The following COL16A1 variants were observed in gnomAD, a reference collection of about 807,000 sequenced individuals.
COL16A1 encodes the protein collagen alpha-1(XVI) chain.
In COL16A1, 189 loss-of-function variants were observed where a neutral mutation model predicts 266.3. The ratio of observed to expected loss-of-function variants is 0.71; its 90% CI spans 0.63 to 0.80. The LOEUF is 0.80. Ranked by LOEUF, COL16A1 falls within the 30% of genes least tolerant of loss-of-function variation. The pLI is 0.00. For synonymous variants in COL16A1, 740 were observed against 782.3 expected (o/e 0.95, Z 0.90); for missense variants, 1,928 against 2,122.4 (o/e 0.91, Z 1.80).
intron 26 of COL16A1, 43 bp from the exon 27 acceptor site, chr1:31,686,322 T>G: frequency 6.2e-7 from 1 of 1,613,662 alleles, no homozygotes; most frequent in South Asian, 1.1e-5. Flanking sequence ...GGGGATGGAG[T>G]CTGGGTGCTA....
chr1:31,676,324 CAAAAA>C (rs11449957), intron 42 of COL16A1, among the ~76,000 whole-genome samples: 1 of 100,324 alleles, frequency 1.0e-5, no homozygotes, highest in Admixed American at 9.5e-5. Context: ...GACTCCGTCT[CAAAAA>C]AAAAAAAAAA....
intron 27 of COL16A1, 44 bp downstream of exon 27, chr1:31,686,200 C>G: frequency 6.2e-7 from 1 of 1,614,202 alleles, no homozygotes. Flanking sequence ...CAGCCCCTCC[C>G]ACCTTGTCCT....
intron 10 of COL16A1, 69 bp downstream of exon 10, chr1:31,695,692 G>A (rs377028858): frequency 1.5e-4 from 216 of 1,487,594 alleles, no homozygotes; most frequent in African/African-American, 7.9e-4. Context: ...CTGAGGATCC[G>A]TGCCCAAAGC....
chr1:31,690,998 G>T (rs184444206), intron 20 of COL16A1, among the ~76,000 whole-genome samples, 190 bp downstream of exon 20: 1 of 152,320 alleles, frequency 6.6e-6, no homozygotes, highest in Non-Finnish European at 1.5e-5. Context: ...GAGCAGCTCA[G>T]TGAGCACTGG....
In COL16A1 at chr1:31,699,894, G is replaced by T. The variant is rs2228552; in HGVS notation, c.185C>A (p.Thr62Lys). The change falls in exon 4 of 71, where the codon ACG (threonine) becomes AAG (lysine). Residue 62 changes from threonine to lysine, a missense_variant. Transcript: ENST00000373672. ...NLIHRLSLMK[T>K]SAIKKIRNPK... Reference sequence around the variant, plus strand: ...GTTGCGGATCTTCTTGATGGCAGACGTCTTCATGAGGCTGAGTCGGTGGAT... The same window carrying T: ...GTTGCGGATCTTCTTGATGGCAGACTTCTTCATGAGGCTGAGTCGGTGGAT... 0.6 allele frequency: 972,616 copies of T among 1,612,244 alleles called. 301,540 individuals are homozygous for T. Among genetic ancestry groups the T allele is most frequent in the Non-Finnish European group, 0.64 (757,610 of 1,178,440 alleles).
chr1:31,665,271 G>A (rs1204368055), intron 55 of COL16A1, 37 bp from the exon 56 acceptor site: 1 of 1,578,532 alleles, frequency 6.3e-7, no homozygotes, highest in Non-Finnish European at 8.5e-7. Flanking sequence ...ATGAAAGTGG[G>A]GCTGGAGGGG....
intron 1 of COL16A1, 75 bp from the exon 2 acceptor site, chr1:31,702,302 A>G (rs1204192206): frequency 2.0e-6 from 3 of 1,502,714 alleles, no homozygotes; most frequent in Non-Finnish European, 2.7e-6. Flanking sequence ...CAAGTCGTGG[A>G]CAGCCTGTGG....
intron 43 of COL16A1, 23 bp from the exon 44 acceptor site, chr1:31,675,062 C>T: frequency 6.2e-7 from 1 of 1,613,028 alleles, no homozygotes; most frequent in Non-Finnish European, 8.5e-7. Flanking sequence ...GATGTGTGGG[C>T]TCAAGCAGGT....
rs769308888 is a variant in COL16A1 at position 31,670,657 on chromosome 1, A to G, written c.3151-11T>C. On this transcript the variant is annotated splice_polypyrimidine_tract_variant and intron_variant, in intron 48 of 70. Transcript: ENST00000373672. The surrounding 1 kb of genome is among the most constrained non-coding windows in gnomAD (Gnocchi z 4.5). Reference sequence around the variant, plus strand: ...AAAACCTGGGGGGCCCTGGTGGGAGAAACAGGCAGGTCACATCTCACAGGC... The same window carrying G: ...AAAACCTGGGGGGCCCTGGTGGGAGGAACAGGCAGGTCACATCTCACAGGC... 7.0e-7 allele frequency: 1 copy of G among 1,435,524 alleles called. No individual in the cohort carries two copies. Among genetic ancestry groups the G allele is most frequent in the South Asian group, 1.5e-5 (1 of 64,824 alleles). 88.9% of individuals were successfully genotyped at this position (1,435,524 alleles called of 1,614,324 possible). A position where few individuals can be genotyped will look rare whatever the true frequency, so the allele number is the denominator to read the frequency against.
At chr1:31,686,575 C>T (rs1643989747) in intron 26 of COL16A1, among the ~76,000 whole-genome samples, 1 of 152,234 alleles carries the variant, frequency 6.6e-6, no homozygotes, top group Non-Finnish European at 1.5e-5. Context: ...GACACCTTTA[C>T]AGGCGGAGCA....
rs1197657277 is a variant in COL16A1, at chr1:31,662,677, C to G, written c.3556-19G>C. On this transcript the variant is annotated intron_variant, in intron 56 of 70. Coordinates refer to ENST00000373672, the MANE Select transcript of COL16A1 (RefSeq NM_001856.4). ...CGCTGCCCTGGAAACCAGCGCCGCC[C>G]CCCCCCCCCGCCCCACAATAAAGTC... 1.7e-5 allele frequency: 19 copies of G among 1,120,992 alleles called. No homozygotes were observed. The highest frequency in any genetic ancestry group is 4.3e-5 in the South Asian group (3 of 69,400). 69.4% of individuals were successfully genotyped at this position (1,120,992 alleles called of 1,614,324 possible).
rs1046413071 is a variant in COL16A1, at chr1:31,685,419, AT to A, written c.2016+219del. ...GAACCCAGGTCTCTCTGCTCCTAGG[AT>A]GGCGTGCTTTCTGCCCACTCTGCCA... On this transcript the variant is annotated intron_variant, in intron 29 of 70. Transcript: ENST00000373672. This position sits in a 1 kb window ranked among gnomAD's most constrained non-coding sequence, Gnocchi z 4.0. Among the ~76,000 whole-genome samples the A allele has an allele frequency of 5.3e-5, 8 of 152,134 alleles. No individual in the cohort carries two copies. Among genetic ancestry groups the A allele is most frequent in the African/African-American group, 1.9e-4 (8 of 41,408 alleles).
chr1:31,692,756 C>T lies in COL16A1; in HGVS notation c.1113+11G>A. The T allele has an allele frequency of 1.9e-6, 3 of 1,613,680 alleles. No individual in the cohort carries two copies. Among genetic ancestry groups the T allele is most frequent in the Non-Finnish European group, 2.5e-6 (3 of 1,179,588 alleles). On this transcript the variant is annotated intron_variant, in intron 14 of 70. Transcript: ENST00000373672. ...ATTGGCCCTGAAGCAGGCATCACCT[C>T]CAAGTCTTACCTGAAGTGGGGCATC...
rs1192478645 is a variant in COL16A1 at position 31,692,028 on chromosome 1, C to T, written c.1234G>A (p.Val412Met). The part of the protein sequence containing the change: ...GEKGDGGIKG[V>M]PGKPGRDGRP... Reference sequence around the variant, plus strand: ...ACGTCCCGGCCTGGCTTTCCCGGCACGCCCTTGATGCCTCCGTCGCCCTTC... The same window carrying T: ...ACGTCCCGGCCTGGCTTTCCCGGCATGCCCTTGATGCCTCCGTCGCCCTTC... Residue 412 changes from valine (V) to methionine (M), a missense_variant, in exon 17 of 71, where the codon GTG becomes ATG. By Grantham distance (21) the Val-to-Met change is conservative. This residue lies in a region of COL16A1 where 1,552 missense variants were observed against 1,637.2 expected (regional missense o/e 0.95). Coordinates refer to ENST00000373672, the MANE Select transcript of COL16A1 (RefSeq NM_001856.4). 13 of 1,613,790 alleles carry T rather than the reference C, an allele frequency of 8.1e-6. No individual in the cohort carries two copies. Among genetic ancestry groups the T allele is most frequent in the Admixed American group, 3.3e-5 (2 of 60,010 alleles).
intron 59 of COL16A1, 59 bp from the exon 60 acceptor site, chr1:31,661,517 C>T (rs753407743): frequency 1.5e-4 from 239 of 1,613,578 alleles, no homozygotes; most frequent in Non-Finnish European, 1.9e-4. Flanking sequence ...CCTCTTCCCA[C>T]TCCTCCTTCC....
Position 31,692,019 on chromosome 1 carries a change from T to C in COL16A1, c.1243A>G (p.Lys415Glu). 2.5e-6 allele frequency: 4 copies of C among 1,613,932 alleles called. No homozygotes were observed. The highest frequency in any genetic ancestry group is 3.4e-6 in the Non-Finnish European group (4 of 1,179,996). ...CAGGCACCTACGTCCCGGCCTGGCTTTCCCGGCACGCCCTTGATGCCTCCG... is the reference window on the plus strand; with the variant it reads ...CAGGCACCTACGTCCCGGCCTGGCTCTCCCGGCACGCCCTTGATGCCTCCG... ...GDGGIKGVPG[K>E]PGRDGRPGEI... The change falls in exon 17 of 71, where the codon AAG (lysine) becomes GAG (glutamate). Residue 415 changes from lysine (K) to glutamate (E), a missense_variant. Lys to Glu is a moderately conservative substitution (Grantham distance 56). Coordinates refer to ENST00000373672, the MANE Select transcript of COL16A1 (RefSeq NM_001856.4).
At position 31,682,980 on chromosome 1, in the gene COL16A1, G is replaced by A. The variant is rs2148764650; in HGVS notation, c.2492C>T (p.Ala831Val). The change falls in exon 37 of 71, where the codon GCC (alanine) becomes GTC (valine). Residue 831 changes from alanine (A) to valine (V), a missense_variant. Physicochemically the swap from Ala to Val is moderately conservative, Grantham distance 64 (BLOSUM62 0). Around this residue, in one of 2 missense-constraint regions of COL16A1, gnomAD observed 1,552 missense variants for 1,637.2 expected, o/e 0.95. Coordinates refer to ENST00000373672, the MANE Select transcript of COL16A1 (RefSeq NM_001856.4). ...CCCAGGAGGTCCCACAGGTCCGGTGGCTCCTTTCACCCCTGGAGATCCCTG... is the reference window on the plus strand; with the variant it reads ...CCCAGGAGGTCCCACAGGTCCGGTGACTCCTTTCACCCCTGGAGATCCCTG... ...GAQGSPGVKG[A>V]TGPVGPPGAS... 6.2e-7 allele frequency: 1 copy of A among 1,614,020 alleles called. No homozygotes were observed. The highest frequency in any genetic ancestry group is 2.2e-5 in the East Asian group (1 of 44,874).
At chr1:31,687,444 T>C (rs560693065) in intron 26 of COL16A1, among the ~76,000 whole-genome samples, 89 of 137,552 alleles carry the variant, frequency 6.5e-4, no homozygotes, top group Admixed American at 1.8e-3. Context: ...CACGAAAAAC[T>C]ACCAGGTGAA....
intron 30 of COL16A1, 91 bp downstream of exon 30, chr1:31,684,730 G>A: frequency 6.2e-7 from 1 of 1,610,134 alleles, no homozygotes. Flanking sequence ...CCGGGGCTGA[G>A]GGTTGGGGGC....
Sources: gnomAD v4.1 joint callset for allele counts (sites outside exome capture counted in the v4.1 genomes callset) on GRCh38, gnomAD v4.1.1 for gene constraint, gnomAD v4.1.1 regional missense constraint, Gnocchi (gnomAD v3.1) non-coding constraint, MANE v1.5 for transcripts, NCBI Gene and HGNC (gene_info 2026-07-23, HGNC 2026-07-21) for gene names.